ADNP2: variants seen among roughly 807,000 people sequenced by gnomAD.
The protein encoded by ADNP2 is activity-dependent neuroprotector homeobox protein 2.
ADNP2 carries 8 observed loss-of-function variants against 16.4 expected under a neutral mutation model. That is an observed-to-expected ratio of 0.49 (90% CI 0.29 to 0.88). The LOEUF (loss-of-function observed/expected upper bound fraction) is 0.88. Among genes scored for constraint, ADNP2 ranks in the 40% least tolerant of loss-of-function variants. The pLI is 0.09. For missense variants in ADNP2, 1,397 were observed against 1,395.1 expected (o/e 1.00, Z -0.02); for synonymous variants, 637 against 545.8 (o/e 1.17, Z -2.33).
chr18:80,132,959 G>C, intron 2 of ADNP2, 144 bp from the exon 3 acceptor site: 2 of 633,450 alleles, frequency 3.2e-6, no homozygotes, highest in Non-Finnish European at 5.5e-6. Flanking sequence ...GGCCTCAAGT[G>C]ATCCACCCTC....
Position 80,138,812 on chromosome 18 carries a change from C to T in ADNP2, c.*3C>T. The T allele has an allele frequency of 1.5e-6, 2 of 1,329,382 alleles. No homozygotes were observed. The highest frequency in any genetic ancestry group is 1.9e-6 in the Non-Finnish European group (2 of 1,036,568). The allele number at this position is 1,329,382 out of a possible 1,614,324, so 82.3% of individuals were successfully genotyped here. The stretch of plus-strand genomic sequence containing the variant: ...TGAACTTTGAATATGAACCATAAAA[C>T]TTGCAAAAAAAAAAAAAAGTAACTC... On this transcript the variant is annotated 3_prime_UTR_variant, in exon 4 of 4. Coordinates refer to ENST00000262198, the MANE Select transcript of ADNP2 (RefSeq NM_014913.4).
At chr18:80,132,380 A>T (rs1568413383) in intron 2 of ADNP2, among the ~76,000 whole-genome samples, 1 of 152,188 alleles carries the variant, frequency 6.6e-6, no homozygotes, top group Non-Finnish European at 1.5e-5. Context: ...TAAACAAGGT[A>T]AGTAGGAAGA....
chr18:80,133,049 A>G lies in ADNP2; in HGVS notation c.109-54A>G, dbSNP rs1350129982. On this transcript the variant is annotated intron_variant, in intron 2 of 3. Transcript: ENST00000262198. ...TAATCTCATCAGGTTCTAATTAAAT[A>G]TTTCTTTATCTTCTGAATTTACATA... is the stretch of plus-strand genomic sequence containing the variant. 5 of 1,270,138 alleles carry G rather than the reference A, an allele frequency of 3.9e-6. No individual in the cohort carries two copies. In the Admixed American group the frequency reaches 5.8e-5, roughly 15 times the overall value. The allele number at this position is 1,270,138 out of a possible 1,614,324, so 78.7% of individuals were successfully genotyped here.
chr18:80,134,122 C>A (rs1436603858), intron 3 of ADNP2, among the ~76,000 whole-genome samples: 1 of 152,188 alleles, frequency 6.6e-6, no homozygotes, highest in Non-Finnish European at 1.5e-5. Context: ...TAGTTCTCCT[C>A]CACCTGAGCA....
chr18:80,109,997 G>T, intron 1 of ADNP2: 1 of 152,748 alleles, frequency 6.5e-6, no homozygotes, highest in South Asian at 1.9e-4. Flanking sequence ...CTCTCTGGAG[G>T]AGCCTTGAGT....
chr18:80,129,710 T>C (rs2052483893), intron 2 of ADNP2, among the ~76,000 whole-genome samples: 1 of 152,210 alleles, frequency 6.6e-6, no homozygotes, highest in Admixed American at 6.5e-5. Flanking sequence ...GGGACCCCAG[T>C]CATATTTTGT....
chr18:80,129,204 A>G (rs575135095), intron 2 of ADNP2, among the ~76,000 whole-genome samples: 4 of 150,384 alleles, frequency 2.7e-5, no homozygotes, highest in Admixed American at 6.6e-5. Context: ...CCCTGGTTCA[A>G]GCAATTCTCC....
chr18:80,133,262 G>A (rs1194573361), intron 3 of ADNP2, 70 bp downstream of exon 3: 1 of 1,238,078 alleles, frequency 8.1e-7, no homozygotes, highest in African/African-American at 1.5e-5. Flanking sequence ...GTGGTCTAAA[G>A]AACATCACAT....
At chr18:80,121,804 T>C (rs1227113063) in intron 2 of ADNP2, among the ~76,000 whole-genome samples, 1 of 152,230 alleles carries the variant, frequency 6.6e-6, no homozygotes, top group African/African-American at 2.4e-5. Flanking sequence ...TTGTTCCCTA[T>C]TGAATGGACT....
At chr18:80,124,859 C>A (rs893291012) in intron 2 of ADNP2, among the ~76,000 whole-genome samples, 1 of 152,110 alleles carries the variant, frequency 6.6e-6, no homozygotes, top group Non-Finnish European at 1.5e-5. Flanking sequence ...GTCTTATTTT[C>A]TTGTTTCTGT....
chr18:80,121,037 C>G (rs1314813890), intron 2 of ADNP2, among the ~76,000 whole-genome samples: 1 of 152,156 alleles, frequency 6.6e-6, no homozygotes, highest in African/African-American at 2.4e-5. Flanking sequence ...ATTCTGTTTA[C>G]TTTTTCAAAG....
rs2052442727 is a variant in ADNP2 at position 80,124,054 on chromosome 18, C to T, written c.108+6404C>T. Among the ~76,000 whole-genome samples the T allele has an allele frequency of 2.0e-5, 3 of 152,156 alleles. No homozygotes were observed. In the South Asian group the frequency reaches 6.2e-4, roughly 32 times the overall value. ...CTTTTAAGTATTTTTTAGGATTCAC[C>T]AGTGAAGCCACCTGTACCTGTACTT... On this transcript the variant is annotated intron_variant, in intron 2 of 3. Transcript: ENST00000262198.
intron 3 of ADNP2, among the ~76,000 whole-genome samples, chr18:80,134,213 G>A (rs544939270): frequency 6.2e-4 from 95 of 152,092 alleles, no homozygotes; most frequent in Non-Finnish European, 1.1e-3. Flanking sequence ...TTTCTCATCC[G>A]AATTCTTAAA....
rs750930002 is a variant in ADNP2 at position 80,135,871 on chromosome 18, T to C, written c.458T>C (p.Ile153Thr). Residue 153 changes from isoleucine to threonine, a missense_variant, in exon 4 of 4, where the codon ATA becomes ACA. This residue lies in a region of ADNP2 where 777 missense variants were observed against 719.4 expected (regional missense o/e 1.08). Coordinates refer to ENST00000262198, the MANE Select transcript of ADNP2 (RefSeq NM_014913.4). The stretch of plus-strand genomic sequence containing the variant: ...ACTAAATCATCTAGGAGCGATGTGA[T>C]AAGTTTCACATGTCTAAAATGTAAC... ...GETKSSRSDV[I>T]SFTCLKCNFS... 2 of 1,614,128 alleles carry C rather than the reference T, an allele frequency of 1.2e-6. No homozygotes were observed. Among genetic ancestry groups the C allele is most frequent in the Admixed American group, 1.7e-5 (1 of 60,016 alleles).
chr18:80,138,372 G>A lies in ADNP2; in HGVS notation c.2959G>A (p.Ala987Thr), dbSNP rs2145219296. ...AAAGCTGCCTGACGGCCACTTAGGG[G>A]CCGAAGACCAGCGGCATGGGGAGGA... ...KRKLPDGHLG[A>T]EDQRHGEEQP... is the part of the protein sequence containing the mutation. The change falls in exon 4 of 4, where the codon GCC becomes ACC. Residue 987 changes from alanine to threonine, a missense_variant. Ala to Thr is a moderately conservative substitution (Grantham distance 58). Transcript: ENST00000262198. 2 of 1,614,112 alleles carry A rather than the reference G, an allele frequency of 1.2e-6. No homozygotes were observed. The highest frequency in any genetic ancestry group is 1.7e-6 in the Non-Finnish European group (2 of 1,180,038).
chr18:80,138,772 A>G lies in ADNP2; in HGVS notation c.3359A>G (p.Asn1120Ser). ...GGCTTTGATATGTCTGAACTTAAAA[A>G]TGTGAAACATAGATTGAACTTTGAA... ...LLGFDMSELK[N>S]VKHRLNFEYE... is the part of the protein sequence containing the mutation. The change falls in exon 4 of 4, where the codon AAT becomes AGT. Residue 1120 changes from asparagine to serine, a missense_variant. Transcript: ENST00000262198. 6.4e-7 allele frequency: 1 copy of G among 1,570,508 alleles called. No individual in the cohort carries two copies. Among genetic ancestry groups the G allele is most frequent in the Non-Finnish European group, 8.6e-7 (1 of 1,165,556 alleles).
At chr18:80,119,241 G>C (rs894718817) in intron 2 of ADNP2, among the ~76,000 whole-genome samples, 1 of 151,810 alleles carries the variant, frequency 6.6e-6, no homozygotes, top group Non-Finnish European at 1.5e-5. Flanking sequence ...AGAGTTCTTT[G>C]TTTTCAAGCA....
intron 3 of ADNP2, among the ~76,000 whole-genome samples, chr18:80,134,418 T>TGTGTGTGTGTGTGTGA (rs143942110): frequency 4.4e-5 from 6 of 136,554 alleles, no homozygotes; most frequent in African/African-American, 8.2e-5. Context: ...TGTGTGTGTG[T>TGTGTGTGTGTGTGTGA]GAGAGAGAGT....
rs777581851 is a variant in ADNP2 at position 80,136,334 on chromosome 18, G to T, written c.921G>T (p.Gln307His). Residue 307 changes from glutamine (Q) to histidine (H), a missense_variant, in exon 4 of 4, where the codon CAG becomes CAT. Coordinates refer to ENST00000262198, the MANE Select transcript of ADNP2 (RefSeq NM_014913.4). ...ACAGTCCAAGCCCAGCCGCAGGACA[G>T]CCAGTGACTGTGGCCCAGGGTGCCC... ...PQNSPSPAAG[Q>H]PVTVAQGAPG... 2 of 1,614,064 alleles carry T rather than the reference G, an allele frequency of 1.2e-6. No individual in the cohort carries two copies. Among genetic ancestry groups the T allele is most frequent in the South Asian group, 1.1e-5 (1 of 91,092 alleles).
Sources: gnomAD v4.1 joint callset for allele counts (sites outside exome capture counted in the v4.1 genomes callset) on GRCh38, gnomAD v4.1.1 for gene constraint, gnomAD v4.1.1 regional missense constraint, MANE v1.5 for transcripts, NCBI Gene and HGNC (gene_info 2026-07-23, HGNC 2026-07-21) for gene names.